Variants in RIT2 observed in about 807,000 individuals in gnomAD.
RIT2 encodes the protein GTP-binding protein Rit2.
A neutral mutation model predicts 23.7 loss-of-function variants in RIT2; 24 were observed. That is an observed-to-expected ratio of 1.01 (90% CI 0.73 to 1.43). The LOEUF is 1.43. Among genes scored for constraint, RIT2 ranks in the 40% most tolerant of loss-of-function variants. The pLI, the probability that RIT2 is intolerant of heterozygous loss-of-function variation, is 0.00. For missense variants in RIT2, 236 were observed against 266.9 expected, an observed-to-expected ratio of 0.88 and a Z score of 0.81; for synonymous variants, 107 against 91.1, an observed-to-expected ratio of 1.17 and a Z score of -0.99.
In RIT2 at chr18:42,929,045, A is replaced by ATATATATG. The variant is rs1379824808; in HGVS notation, c.235-5283_235-5282insCATATATA. Reference sequence around the variant, plus strand: ...AACTAAAATATGGAGATATATATATATATATATATATATTTATATGAGACA... The same window carrying ATATATATG: ...AACTAAAATATGGAGATATATATATATATATATGTATATATATATATTTATATGAGACA... On this transcript the variant is annotated intron_variant, in intron 3 of 4. Transcript: ENST00000326695. 5.3e-4 allele frequency among the ~76,000 whole-genome samples: 77 copies of ATATATATG among 144,158 alleles called. 1 individual carries two copies. Among genetic ancestry groups the ATATATATG allele is most frequent in the African/African-American group, 1.9e-3 (74 of 39,816 alleles). 94.6% of individuals were successfully genotyped at this position (144,158 alleles called of 152,430 possible).
At chr18:42,837,153 CT>C (rs570701535) in intron 4 of RIT2, among the ~76,000 whole-genome samples, 154 of 51,688 alleles carry the variant, frequency 3.0e-3, no homozygotes, top group African/African-American at 9.0e-3. Flanking sequence ...TTTTCTTTTT[CT>C]TTTTTTTTTT....
intron 3 of RIT2, among the ~76,000 whole-genome samples, chr18:42,924,608 C>T (rs1413603034): frequency 6.6e-6 from 1 of 151,948 alleles, no homozygotes; most frequent in Non-Finnish European, 1.5e-5. Flanking sequence ...AAATATGAAA[C>T]TTAACTTCTG....
At chr18:42,836,219 A>G (rs901240333) in intron 4 of RIT2, among the ~76,000 whole-genome samples, 3 of 152,134 alleles carry the variant, frequency 2.0e-5, no homozygotes, top group African/African-American at 7.2e-5. Flanking sequence ...TTTTCTCTCA[A>G]GTAAGTCTCC....
In RIT2 at chr18:43,073,122, A is replaced by G. The variant is rs1912935394; in HGVS notation, c.104-39255T>C. On this transcript the variant is annotated intron_variant, in intron 1 of 4. Transcript: ENST00000326695. ...TAGAACTCCTCAGGGGCCACAGTCC[A>G]GCTTTCTGAAAAGTGGAAGAACTGC... Among the ~76,000 whole-genome samples the G allele has an allele frequency of 4.6e-5, 7 of 150,848 alleles. No homozygotes were observed. The South Asian group carries it at 1.5e-3, about 32-fold the overall frequency.
intron 4 of RIT2, among the ~76,000 whole-genome samples, chr18:42,916,563 T>C (rs1055933730): frequency 2.0e-5 from 3 of 152,152 alleles, no homozygotes; most frequent in Admixed American, 2.0e-4. Context: ...TTAGTTACTT[T>C]TACTTTTCAC....
intron 1 of RIT2, among the ~76,000 whole-genome samples, chr18:43,059,641 C>T (rs1035981282): frequency 5.9e-5 from 9 of 152,114 alleles, no homozygotes; most frequent in Non-Finnish European, 8.8e-5. Flanking sequence ...TATCTCCTTT[C>T]GAACTTCAGT....
At chr18:42,845,699 A>C (rs1457031818) in intron 4 of RIT2, among the ~76,000 whole-genome samples, 1 of 150,736 alleles carries the variant, frequency 6.6e-6, no homozygotes, top group African/African-American at 2.4e-5. Context: ...GAAATTATAG[A>C]GTATATTGTC....
At chr18:42,935,247 A>T (rs2144150136) in intron 3 of RIT2, among the ~76,000 whole-genome samples, 1 of 152,284 alleles carries the variant, frequency 6.6e-6, no homozygotes, top group Admixed American at 6.5e-5. Context: ...GCCTCAAGAA[A>T]GAGAGCTGAG....
chr18:42,827,113 T>C (rs974679130), intron 4 of RIT2, among the ~76,000 whole-genome samples: 1 of 152,170 alleles, frequency 6.6e-6, no homozygotes, highest in African/African-American at 2.4e-5. Context: ...AGGTTTTGCG[T>C]AATGCTATTT....
intron 3 of RIT2, among the ~76,000 whole-genome samples, chr18:42,926,229 T>G (rs1291723212): frequency 1.3e-5 from 2 of 151,948 alleles, no homozygotes; most frequent in Admixed American, 1.3e-4. Flanking sequence ...ATTCTCCTCA[T>G]TTTCAACAAT....
intron 4 of RIT2, among the ~76,000 whole-genome samples, chr18:42,837,167 T>C (rs1243212148): frequency 1.6e-4 from 16 of 100,792 alleles, no homozygotes; most frequent in Middle Eastern, 5.2e-3. Context: ...TTTTTTTTTT[T>C]TTTTTTTTTT....
At chr18:42,918,325 T>C (rs1375407572) in intron 4 of RIT2, among the ~76,000 whole-genome samples, 1 of 152,174 alleles carries the variant, frequency 6.6e-6, no homozygotes, top group Non-Finnish European at 1.5e-5. Context: ...TTAAGCTTTG[T>C]TTTGTTTTGT....
At chr18:43,049,037 G>T (rs915166777) in intron 1 of RIT2, among the ~76,000 whole-genome samples, 1 of 152,140 alleles carries the variant, frequency 6.6e-6, no homozygotes, top group East Asian at 1.9e-4. Flanking sequence ...GGTTAGGGTT[G>T]TTTTCTGTTG....
At chr18:43,075,408 A>G (rs1052102708) in intron 1 of RIT2, among the ~76,000 whole-genome samples, 9 of 152,148 alleles carry the variant, frequency 5.9e-5, no homozygotes, top group African/African-American at 2.2e-4. Flanking sequence ...CTGCTTGTCC[A>G]TGATTAACTT....
chr18:42,984,431 G>T (rs1318868718), intron 2 of RIT2, among the ~76,000 whole-genome samples: 1 of 152,000 alleles, frequency 6.6e-6, no homozygotes, highest in Non-Finnish European at 1.5e-5. Flanking sequence ...GGCTTCATAA[G>T]GCAACATAAG....
intron 1 of RIT2, among the ~76,000 whole-genome samples, chr18:43,050,358 C>T (rs1912350917): frequency 6.6e-6 from 1 of 151,814 alleles, no homozygotes; most frequent in Non-Finnish European, 1.5e-5. Context: ...TAAAATCTAC[C>T]AGCAAAAATG....
chr18:43,041,352 T>C (rs1460996824), intron 1 of RIT2, among the ~76,000 whole-genome samples: 4 of 152,146 alleles, frequency 2.6e-5, no homozygotes, highest in Non-Finnish European at 4.4e-5. Flanking sequence ...CTAAAATTAT[T>C]ACAGTTAATT....
At chr18:42,775,305 G>A (rs1304684039) in intron 4 of RIT2, among the ~76,000 whole-genome samples, 1 of 152,116 alleles carries the variant, frequency 6.6e-6, no homozygotes, top group Non-Finnish European at 1.5e-5. Context: ...GCCCAGAAGT[G>A]ACATGGCTTC....
intron 4 of RIT2, among the ~76,000 whole-genome samples, chr18:42,778,696 A>G (rs918806559): frequency 7.0e-6 from 1 of 142,978 alleles, no homozygotes; most frequent in Non-Finnish European, 1.6e-5. Context: ...TCCTTTCTCG[A>G]GTCCTAGCTG....
Sources: allele counts gnomAD v4.1 joint callset (sites outside exome capture counted in the v4.1 genomes callset), GRCh38; gene constraint gnomAD v4.1.1; transcripts MANE v1.5; gene names NCBI Gene and HGNC (gene_info 2026-07-23, HGNC 2026-07-21).